Variants in TLL2 observed in about 807,000 individuals in gnomAD.
The protein encoded by TLL2 is tolloid like 2.
Under a neutral mutation model 123.0 loss-of-function variants are expected in TLL2, and 106 were observed. The ratio of observed to expected loss-of-function variants is 0.86; its 90% CI spans 0.74 to 1.01. The LOEUF is 1.01. Among genes scored for constraint, TLL2 ranks in the 50% least tolerant of loss-of-function variants. The pLI is 0.00. For synonymous variants in TLL2, 494 were observed against 516.8 expected, an observed-to-expected ratio of 0.96 and a Z score of 0.60; for missense variants, 1,332 against 1,336.7, an observed-to-expected ratio of 1.00 and a Z score of 0.06.
intron 1 of TLL2, among the ~76,000 whole-genome samples, chr10:96,501,913 G>A (rs780390059): frequency 5.3e-5 from 8 of 152,184 alleles, no homozygotes; most frequent in Non-Finnish European, 1.0e-4. Flanking sequence ...AATCAGTCTC[G>A]TTTATACTCC....
chr10:96,426,868 T>C (rs1165001955), intron 5 of TLL2, among the ~76,000 whole-genome samples: 1 of 152,200 alleles, frequency 6.6e-6, no homozygotes, highest in Non-Finnish European at 1.5e-5. Flanking sequence ...CCTTGTCTGT[T>C]TCCTTGTGCT....
intron 4 of TLL2, among the ~76,000 whole-genome samples, chr10:96,432,373 C>A (rs1387209772): frequency 1.3e-5 from 2 of 152,078 alleles, no homozygotes; most frequent in African/African-American, 4.8e-5. Context: ...GTCCACTGGT[C>A]CCTTTGGTCA....
intron 2 of TLL2, among the ~76,000 whole-genome samples, chr10:96,478,575 A>G (rs1464011426): frequency 6.6e-6 from 1 of 152,200 alleles, no homozygotes; most frequent in African/African-American, 2.4e-5. Flanking sequence ...CCAAACCACA[A>G]ACTGCCCACA....
At chr10:96,383,189 G>A (rs1363938303) in intron 16 of TLL2, among the ~76,000 whole-genome samples, 3 of 152,296 alleles carry the variant, frequency 2.0e-5, no homozygotes, top group East Asian at 1.9e-4. Context: ...AAGGAGAATG[G>A]GCTTTTTCTA....
At chr10:96,413,063 A>T (rs1410370113) in intron 8 of TLL2, 129 bp downstream of exon 8, 8 of 1,353,132 alleles carry the variant, frequency 5.9e-6, no homozygotes, top group African/African-American at 1.5e-5. Flanking sequence ...ACCTCCTACC[A>T]GAAGGACACC....
intron 1 of TLL2, among the ~76,000 whole-genome samples, chr10:96,488,224 A>C (rs1184951267): frequency 3.9e-5 from 6 of 152,224 alleles, no homozygotes; most frequent in African/African-American, 7.2e-5. Flanking sequence ...CATGGCCCAC[A>C]TCAGTGTGAT....
intron 2 of TLL2, among the ~76,000 whole-genome samples, chr10:96,468,815 G>T (rs939332137): frequency 6.6e-6 from 1 of 152,156 alleles, no homozygotes; most frequent in African/African-American, 2.4e-5. Flanking sequence ...TGACAAACAC[G>T]CTCGTAATGA....
chr10:96,370,116 G>A lies in TLL2; in HGVS notation c.2862C>T (p.Tyr954=), dbSNP rs769265877. 5.6e-6 allele frequency: 9 copies of A among 1,613,034 alleles called. No homozygotes were observed. Among genetic ancestry groups the A allele is most frequent in the African/African-American group, 4.0e-5 (3 of 74,916 alleles). Residue 954 remains tyrosine (Y), a synonymous_variant, in exon 20 of 21, where the codon TAC becomes TAT. Transcript: ENST00000357947. ...ADCGYDYMEA[Y]DGYDSSAPRL... The stretch of plus-strand genomic sequence containing the variant: ...TGGGCGCTGAGCTGTCGTAGCCGTC[G>A]TAGGCTTCCATGTAGTCGTAGCCGC...
chr10:96,401,709 A>G lies in TLL2; in HGVS notation c.1267+3523T>C, dbSNP rs1006995118. 5.8e-4 allele frequency among the ~76,000 whole-genome samples: 88 copies of G among 152,192 alleles called. 1 individual carries two copies. Among genetic ancestry groups the G allele is most frequent in the Admixed American group, 6.5e-5 (1 of 15,286 alleles). ...AAATCTTGTTTCAAATTCAAGAAAAAGGAACTCCTGGAAATCTCTCTGCCT... is the reference window on the plus strand; with the variant it reads ...AAATCTTGTTTCAAATTCAAGAAAAGGGAACTCCTGGAAATCTCTCTGCCT... On this transcript the variant is annotated intron_variant, in intron 10 of 20. Coordinates refer to ENST00000357947, the MANE Select transcript of TLL2 (RefSeq NM_012465.4).
intron 11 of TLL2, among the ~76,000 whole-genome samples, 177 bp from the exon 12 acceptor site, chr10:96,396,197 C>G (rs1846338320): frequency 6.6e-6 from 1 of 151,664 alleles, no homozygotes; most frequent in South Asian, 2.1e-4. Flanking sequence ...TTGCATTTGT[C>G]TTTAACTCTG....
At chr10:96,469,370 G>A (rs1415993846) in intron 2 of TLL2, among the ~76,000 whole-genome samples, 2 of 152,194 alleles carry the variant, frequency 1.3e-5, no homozygotes, top group Non-Finnish European at 2.9e-5. Flanking sequence ...AGAACCAGTC[G>A]CTCTTGCCTT....
chr10:96,384,479 T>C, intron 16 of TLL2, 108 bp downstream of exon 16: 1 of 1,217,134 alleles, frequency 8.2e-7, no homozygotes, highest in Non-Finnish European at 1.1e-6. Flanking sequence ...CCTGGAGGGA[T>C]GCAGGAGCAA....
At chr10:96,476,881 C>CAG (rs1554939746) in intron 2 of TLL2, among the ~76,000 whole-genome samples, 3 of 150,014 alleles carry the variant, frequency 2.0e-5, no homozygotes, top group African/African-American at 7.5e-5. Flanking sequence ...CACACACACA[C>CAG]ACACACACAC....
intron 1 of TLL2, among the ~76,000 whole-genome samples, chr10:96,503,669 C>A (rs1022538283): frequency 1.3e-5 from 2 of 152,172 alleles, no homozygotes; most frequent in African/African-American, 4.8e-5. Context: ...TGACCCTGGG[C>A]CTTCTGGAAG....
intron 16 of TLL2, among the ~76,000 whole-genome samples, chr10:96,383,266 G>T (rs1177354560): frequency 6.6e-6 from 1 of 152,208 alleles, no homozygotes; most frequent in African/African-American, 2.4e-5. Flanking sequence ...ATGTGCTGCT[G>T]TAGTGGGTTT....
intron 2 of TLL2, among the ~76,000 whole-genome samples, chr10:96,462,813 C>T (rs889210561): frequency 3.9e-5 from 6 of 152,172 alleles, no homozygotes; most frequent in Admixed American, 2.6e-4. Flanking sequence ...TTAGGAACAC[C>T]GCTAGTCAGC....
intron 7 of TLL2, among the ~76,000 whole-genome samples, chr10:96,419,947 C>T (rs932933125): frequency 3.9e-5 from 6 of 152,212 alleles, no homozygotes; most frequent in African/African-American, 7.2e-5. Context: ...CAACTCTAAC[C>T]AAGTGTACAT....
chr10:96,491,275 G>A (rs749734522), intron 1 of TLL2, among the ~76,000 whole-genome samples: 1 of 151,858 alleles, frequency 6.6e-6, no homozygotes, highest in Non-Finnish European at 1.5e-5. Flanking sequence ...CTGGCTACTC[G>A]GGAGGCTGAG....
intron 7 of TLL2, among the ~76,000 whole-genome samples, chr10:96,419,169 G>A (rs548757242): frequency 7.9e-5 from 12 of 152,176 alleles, no homozygotes; most frequent in African/African-American, 1.2e-4. Flanking sequence ...ATCCCTCAAT[G>A]TCTCAGTTTC....
Sources: gnomAD v4.1 joint callset for allele counts (sites outside exome capture counted in the v4.1 genomes callset) on GRCh38, gnomAD v4.1.1 for gene constraint, MANE v1.5 for transcripts, NCBI Gene and HGNC (gene_info 2026-07-23, HGNC 2026-07-21) for gene names.